Variants in CSMD1 observed in about 807,000 individuals in gnomAD.
CSMD1 encodes CUB and Sushi multiple domains 1.
In CSMD1, 213 loss-of-function variants were observed where a neutral mutation model predicts 417.5. The observed-to-expected ratio is 0.51, with a 90% CI of 0.46 to 0.57. The LOEUF is 0.57. Ranked by LOEUF, CSMD1 falls within the 20% of genes least tolerant of loss-of-function variation. The probability of loss-of-function intolerance (pLI) is 0.00; values close to 1 mark genes in which losing one functional copy is unlikely to be tolerated. For missense variants in CSMD1, 6,923 were observed against 4,529.7 expected, an observed-to-expected ratio of 1.53 and a Z score of -15.17; for synonymous variants, 2,862 against 1,736.8, an observed-to-expected ratio of 1.65 and a Z score of -16.11.
At chr8:3,586,064 A>C (rs967855945) in intron 9 of CSMD1, 72 bp downstream of exon 9, 3 of 1,492,394 alleles carry the variant, frequency 2.0e-6, no homozygotes, top group Non-Finnish European at 2.7e-6. Context: ...TCATGCTTAA[A>C]TTGTATATTC....
intron 3 of CSMD1, among the ~76,000 whole-genome samples, chr8:4,247,174 T>C (rs1272486577): frequency 6.6e-6 from 1 of 152,196 alleles, no homozygotes; most frequent in African/African-American, 2.4e-5. Context: ...TTTTTTATGC[T>C]CTATAACACA....
rs193175563 is a variant in CSMD1, at chr8:4,230,725, A to G, written c.415+189228T>C. 1.5e-3 allele frequency among the ~76,000 whole-genome samples: 231 copies of G among 152,314 alleles called. 1 individual carries two copies. Among genetic ancestry groups the G allele is most frequent in the Non-Finnish European group, 1.8e-3 (121 of 68,026 alleles). On this transcript the variant is annotated intron_variant, in intron 3 of 69. Coordinates refer to ENST00000635120, the MANE Select transcript of CSMD1 (RefSeq NM_033225.6). The stretch of plus-strand genomic sequence containing the variant: ...TCCTAGACCTTTAATGACTATAAAT[A>G]TAAAACCGATTACAAGCTATTGAAA...
intron 2 of CSMD1, among the ~76,000 whole-genome samples, chr8:4,464,147 GC>G (rs1444057553): frequency 3.4e-5 from 5 of 146,528 alleles, no homozygotes; most frequent in Admixed American, 6.7e-5. Flanking sequence ...TATCCCTCCA[GC>G]TGGAATTCTA....
rs368406071 is a variant in CSMD1 at position 4,251,718 on chromosome 8, G to C, written c.415+168235C>G. 3.3e-5 allele frequency among the ~76,000 whole-genome samples: 5 copies of C among 152,080 alleles called. No homozygotes were observed. In the East Asian group the frequency reaches 7.7e-4, roughly 23 times the overall value. On this transcript the variant is annotated intron_variant, in intron 3 of 69. Coordinates refer to ENST00000635120, the MANE Select transcript of CSMD1 (RefSeq NM_033225.6). ...GGACAGTTAAATGTATGTGTACCTA[G>C]TCCTGATGAGACGTCACAGTTGTGA...
intron 68 of CSMD1, among the ~76,000 whole-genome samples, chr8:2,946,088 G>C (rs911684530): frequency 2.6e-5 from 4 of 152,152 alleles, no homozygotes; most frequent in African/African-American, 9.7e-5. Flanking sequence ...ACAGCCAGTG[G>C]CTCCTACATG....
chr8:3,636,730 T>C (rs570815984), intron 7 of CSMD1, among the ~76,000 whole-genome samples: 1 of 152,234 alleles, frequency 6.6e-6, no homozygotes, highest in Non-Finnish European at 1.5e-5. Context: ...TGGGAGCAGC[T>C]GGCTCAGCGA....
chr8:3,668,216 C>A (rs2623615), intron 7 of CSMD1, among the ~76,000 whole-genome samples: 1 of 151,932 alleles, frequency 6.6e-6, no homozygotes, highest in African/African-American at 2.4e-5. Flanking sequence ...CATAGTAAAA[C>A]TGACATCCGT....
At chr8:4,429,641 G>A (rs575933604) in intron 2 of CSMD1, among the ~76,000 whole-genome samples, 6 of 152,116 alleles carry the variant, frequency 3.9e-5, no homozygotes, top group Admixed American at 3.9e-4. Context: ...CGAATGCACA[G>A]AGGAGGGCCC....
intron 10 of CSMD1, among the ~76,000 whole-genome samples, chr8:3,546,429 G>T (rs942275843): frequency 2.0e-5 from 3 of 151,918 alleles, no homozygotes; most frequent in Non-Finnish European, 4.4e-5. Context: ...CCAGCTACTT[G>T]GGAGGCTGAG....
chr8:4,334,268 G>A (rs1040458392), intron 3 of CSMD1, among the ~76,000 whole-genome samples: 2 of 152,098 alleles, frequency 1.3e-5, no homozygotes, highest in African/African-American at 4.8e-5. Flanking sequence ...TTAAAAGTAT[G>A]CCTTACACGT....
chr8:4,875,595 C>T lies in CSMD1; in HGVS notation c.85+118737G>A, dbSNP rs1404639787. 2.0e-5 allele frequency among the ~76,000 whole-genome samples: 3 copies of T among 151,928 alleles called. No individual in the cohort carries two copies. The South Asian group carries it at 6.2e-4, about 32-fold the overall frequency. ...CACCATGATTCGAAGCTGGTTTTGCCCTCTAAGCGTAGCTTGAGTTGTTTG... is the reference window on the plus strand; with the variant it reads ...CACCATGATTCGAAGCTGGTTTTGCTCTCTAAGCGTAGCTTGAGTTGTTTG... On this transcript the variant is annotated intron_variant, in intron 1 of 69. Transcript: ENST00000635120.
intron 5 of CSMD1, among the ~76,000 whole-genome samples, chr8:3,818,863 G>C (rs890140558): frequency 1.3e-5 from 2 of 152,152 alleles, no homozygotes; most frequent in African/African-American, 4.8e-5. Flanking sequence ...TGATTTAACA[G>C]CCTTGCTCAC....
chr8:4,145,553 C>T lies in CSMD1; in HGVS notation c.416-113454G>A, dbSNP rs937860396. Among the ~76,000 whole-genome samples the T allele has an allele frequency of 9.9e-5, 15 of 150,994 alleles. 1 individual carries two copies. Among genetic ancestry groups the T allele is most frequent in the African/African-American group, 3.5e-4 (14 of 40,392 alleles). The stretch of plus-strand genomic sequence containing the variant: ...CCCATTCAGAATTTCTTTATTATTA[C>T]ATTGTTATTATTTTTTGTGGAGAGA... On this transcript the variant is annotated intron_variant, in intron 3 of 69. Transcript: ENST00000635120.
chr8:4,757,585 C>T (rs1192240034), intron 1 of CSMD1, among the ~76,000 whole-genome samples: 1 of 152,146 alleles, frequency 6.6e-6, no homozygotes, highest in Non-Finnish European at 1.5e-5. Context: ...GAGCAATAGC[C>T]TACAGGAGAC....
chr8:4,115,964 TTTTATTTATTTATTTATTTA>T (rs35791469), intron 3 of CSMD1, among the ~76,000 whole-genome samples: 26,924 of 134,188 alleles, frequency 0.2, 2,731 homozygotes, highest in East Asian at 0.33. Flanking sequence ...GTTTTCATTA[TTTTATTTATTTATTTATTTA>T]TTTATTTATT....
At chr8:4,238,502 C>G (rs1340471545) in intron 3 of CSMD1, among the ~76,000 whole-genome samples, 1 of 152,164 alleles carries the variant, frequency 6.6e-6, no homozygotes, top group Non-Finnish European at 1.5e-5. Context: ...TAAGAGGTGA[C>G]TAGAGGCACA....
rs1380975695 is a variant in CSMD1, at chr8:2,955,718, T to C, written c.9865A>G (p.Ile3289Val). ...ETPAHADVRA[I>V]DLPTFGYTLV... is the part of the protein sequence containing the mutation. ...GTGTAGCCGAAAGTAGGAAGATCGA[T>C]GGCTCTCACATCCGCGTGTGCCGGG... Residue 3289 changes from isoleucine to valine, a missense_variant, in exon 64 of 70, where the codon ATC (isoleucine) becomes GTC (valine). Ile to Val is a conservative substitution (Grantham distance 29). Coordinates refer to ENST00000635120, the MANE Select transcript of CSMD1 (RefSeq NM_033225.6). 2.2e-5 allele frequency: 35 copies of C among 1,613,852 alleles called. No individual in the cohort carries two copies. Among genetic ancestry groups the C allele is most frequent in the Non-Finnish European group, 2.9e-5 (34 of 1,179,834 alleles).
chr8:4,385,048 T>G (rs1331807468), intron 3 of CSMD1, among the ~76,000 whole-genome samples: 3 of 152,106 alleles, frequency 2.0e-5, no homozygotes. Flanking sequence ...TGCCTCAGCC[T>G]CCCGAAGAGC....
rs113812165 is a variant in CSMD1 at position 4,206,431 on chromosome 8, C to A, written c.416-174332G>T. ...GTTCCCACCTATGACTGAGAACATG[C>A]GGTGTTTGGTTTTCTGTCCTTGTGA... On this transcript the variant is annotated intron_variant, in intron 3 of 69. Coordinates refer to ENST00000635120, the MANE Select transcript of CSMD1 (RefSeq NM_033225.6). Among the ~76,000 whole-genome samples the A allele has an allele frequency of 2.0e-5, 3 of 152,162 alleles. 1 individual carries two copies. The highest frequency in any genetic ancestry group is 4.1e-4 in the South Asian group (2 of 4,820).
Sources: allele counts gnomAD v4.1 joint callset (sites outside exome capture counted in the v4.1 genomes callset), GRCh38; gene constraint gnomAD v4.1.1; transcripts MANE v1.5; gene names NCBI Gene and HGNC (gene_info 2026-07-23, HGNC 2026-07-21).